CEP112: variants seen among roughly 807,000 people sequenced by gnomAD.
The protein encoded by CEP112 is centrosomal protein 112, also known as centrosomal protein of 112 kDa.
In CEP112, 127 loss-of-function variants were observed where a neutral mutation model predicts 153.0. The ratio of observed to expected loss-of-function variants is 0.83; its 90% CI spans 0.72 to 0.96. The LOEUF is 0.96. Among genes scored for constraint, CEP112 ranks in the 40% least tolerant of loss-of-function variants. The pLI is 0.00. For synonymous variants in CEP112, 358 were observed against 374.4 expected (o/e 0.96, Z 0.51); for missense variants, 1,089 against 1,101.2 (o/e 0.99, Z 0.16).
chr17:65,677,885 C>T (rs1034189613), intron 24 of CEP112, among the ~76,000 whole-genome samples: 3 of 152,126 alleles, frequency 2.0e-5, no homozygotes, highest in Non-Finnish European at 4.4e-5. Flanking sequence ...TGCACTCCAG[C>T]CTGGGAGACA....
chr17:65,682,062 C>CA (rs1174276311), intron 24 of CEP112, among the ~76,000 whole-genome samples: 1 of 151,832 alleles, frequency 6.6e-6, no homozygotes, highest in Non-Finnish European at 1.5e-5. Flanking sequence ...GGTGTGATCT[C>CA]AGCTCACTGC....
intron 16 of CEP112, among the ~76,000 whole-genome samples, chr17:66,008,519 C>T (rs1334226030): frequency 6.6e-6 from 1 of 151,942 alleles, no homozygotes; most frequent in Non-Finnish European, 1.5e-5. Context: ...ACACCTGGAT[C>T]ATATTTTTTT....
chr17:65,974,953 TA>T lies in CEP112; in HGVS notation c.1737-13356del, dbSNP rs34325518. Among the ~76,000 whole-genome samples the T allele has an allele frequency of 9.7e-3, 1,430 of 147,246 alleles. 17 individuals carry two copies. Among genetic ancestry groups the T allele is most frequent in the African/African-American group, 0.032 (1,278 of 40,460 alleles). ...GGAATCATATTAATGTTTTATTTAC[TA>T]AAAAAAAAAAAATGAAATAAGGACA... is the stretch of plus-strand genomic sequence containing the variant. On this transcript the variant is annotated intron_variant, in intron 17 of 26. Coordinates refer to ENST00000535342, the MANE Select transcript of CEP112 (RefSeq NM_001199165.4).
In CEP112 at chr17:66,134,395, T is replaced by C. The variant is rs2070344181; in HGVS notation, c.471-1632A>G. ...ATTTTTCAATCAACTACAGTATGAC[T>C]TGCATTCATCCCAAAAGTCCTATAA... On this transcript the variant is annotated intron_variant, in intron 4 of 26. Coordinates refer to ENST00000535342, the MANE Select transcript of CEP112 (RefSeq NM_001199165.4). 2.0e-5 allele frequency among the ~76,000 whole-genome samples: 3 copies of C among 152,192 alleles called. No individual in the cohort carries two copies. In the South Asian group the frequency reaches 6.2e-4, roughly 31 times the overall value.
intron 3 of CEP112, among the ~76,000 whole-genome samples, chr17:66,175,885 A>G (rs895082345): frequency 3.3e-5 from 5 of 152,218 alleles, no homozygotes; most frequent in African/African-American, 4.8e-5. Flanking sequence ...ACACGTTTCT[A>G]AAGAAAACTC....
At chr17:65,846,841 C>G (rs942833408) in intron 21 of CEP112, among the ~76,000 whole-genome samples, 1 of 152,134 alleles carries the variant, frequency 6.6e-6, no homozygotes, top group African/African-American at 2.4e-5. Flanking sequence ...CTTTTATTCA[C>G]TCACTTAATA....
chr17:65,884,867 G>A (rs887241241), intron 20 of CEP112, among the ~76,000 whole-genome samples: 2 of 151,778 alleles, frequency 1.3e-5, no homozygotes, highest in African/African-American at 4.8e-5. Flanking sequence ...ACAGGCATGT[G>A]CCACCACCCT....
At chr17:65,967,681 G>A (rs941224180) in intron 17 of CEP112, among the ~76,000 whole-genome samples, 2 of 152,134 alleles carry the variant, frequency 1.3e-5, no homozygotes, top group Non-Finnish European at 2.9e-5. Context: ...TCAAATTTAT[G>A]TGTAAGATAG....
intron 4 of CEP112, among the ~76,000 whole-genome samples, chr17:66,156,572 TAAC>T (rs1278716535): frequency 6.6e-6 from 1 of 152,030 alleles, no homozygotes; most frequent in African/African-American, 2.4e-5. Flanking sequence ...AGGTGGGTAA[TAAC>T]AAACTCCTCT....
rs75933367 is a variant in CEP112, at chr17:65,772,744, G to C, written c.2395-22020C>G. On this transcript the variant is annotated intron_variant, in intron 21 of 26. Transcript: ENST00000535342. ...AGAAGTAAAAGATTTAATGCAGTTG[G>C]GGAGGGAAGAGACAGATGAGTGAAT... Among the ~76,000 whole-genome samples the C allele has an allele frequency of 1.8e-3, 275 of 152,186 alleles. 2 individuals are homozygous for C. The highest frequency in any genetic ancestry group is 6.5e-3 in the African/African-American group (270 of 41,500).
intron 25 of CEP112, among the ~76,000 whole-genome samples, chr17:65,638,726 C>T (rs2044919562): frequency 6.6e-6 from 1 of 152,148 alleles, no homozygotes; most frequent in Non-Finnish European, 1.5e-5. Flanking sequence ...ACTAAATTTG[C>T]TCACTGTATG....
intron 8 of CEP112, among the ~76,000 whole-genome samples, chr17:66,092,675 T>G (rs910589611): frequency 6.6e-6 from 1 of 152,184 alleles, no homozygotes; most frequent in Non-Finnish European, 1.5e-5. Flanking sequence ...GCATTCACCA[T>G]GATCAAGTGG....
intron 20 of CEP112, among the ~76,000 whole-genome samples, chr17:65,880,022 T>C (rs2059004064): frequency 6.6e-6 from 1 of 152,152 alleles, no homozygotes; most frequent in Admixed American, 6.5e-5. Flanking sequence ...GTCACATCAA[T>C]AATGAAACTT....
At chr17:65,896,321 C>T (rs2059657585) in intron 20 of CEP112, among the ~76,000 whole-genome samples, 1 of 151,756 alleles carries the variant, frequency 6.6e-6, no homozygotes, top group Non-Finnish European at 1.5e-5. Context: ...ATGATGAGGG[C>T]AAAGTTAAAT....
intron 17 of CEP112, among the ~76,000 whole-genome samples, chr17:65,982,778 T>C (rs945574213): frequency 1.3e-5 from 2 of 152,196 alleles, no homozygotes; most frequent in African/African-American, 4.8e-5. Flanking sequence ...ATAGCAGCAC[T>C]ATTCACAATA....
Position 65,815,123 on chromosome 17 carries a change from C to CCCTATGTTTCTTCCAAGGGTTTTATA in CEP112, c.2394+36655_2394+36680dup, listed in dbSNP as rs375207025. Reference sequence around the variant, plus strand: ...TGTCTAAATCAACATCACTAAGGTGCCCTATGTTTCTTCCAAGGGTTTTAT... The same window carrying CCCTATGTTTCTTCCAAGGGTTTTATA: ...TGTCTAAATCAACATCACTAAGGTGCCCTATGTTTCTTCCAAGGGTTTTATACCTATGTTTCTTCCAAGGGTTTTAT... On this transcript the variant is annotated intron_variant, in intron 21 of 26. Coordinates refer to ENST00000535342, the MANE Select transcript of CEP112 (RefSeq NM_001199165.4). Among the ~76,000 whole-genome samples the CCCTATGTTTCTTCCAAGGGTTTTATA allele has an allele frequency of 1.5e-3, 235 of 152,094 alleles. 1 individual carries two copies. The highest frequency in any genetic ancestry group is 5.4e-3 in the African/African-American group (225 of 41,510).
At chr17:65,776,101 T>C (rs1277445657) in intron 21 of CEP112, among the ~76,000 whole-genome samples, 2 of 152,178 alleles carry the variant, frequency 1.3e-5, no homozygotes, top group Admixed American at 1.3e-4. Flanking sequence ...GTCGCTGGAC[T>C]TCTACTTCAC....
Position 65,697,066 on chromosome 17 carries a change from G to T in CEP112, c.2608-7848C>A, listed in dbSNP as rs557209725. On this transcript the variant is annotated intron_variant, in intron 23 of 26. Transcript: ENST00000535342. ...AAGGCCTATTTTTATTTTTATTGAGGTATAATTTACATACAATCCAATTCA... is the reference window on the plus strand; with the variant it reads ...AAGGCCTATTTTTATTTTTATTGAGTTATAATTTACATACAATCCAATTCA... Among the ~76,000 whole-genome samples, 4 of 152,140 alleles carry T rather than the reference G, an allele frequency of 2.6e-5. No homozygotes were observed. The East Asian group carries it at 7.7e-4, about 29-fold the overall frequency.
At chr17:65,965,684 G>T (rs1296379111) in intron 17 of CEP112, among the ~76,000 whole-genome samples, 1 of 151,792 alleles carries the variant, frequency 6.6e-6, no homozygotes, top group East Asian at 1.9e-4. Context: ...ACCACCCCTG[G>T]CTAATTTTTT....
Sources: gnomAD v4.1 joint callset for allele counts (sites outside exome capture counted in the v4.1 genomes callset) on GRCh38, gnomAD v4.1.1 for gene constraint, MANE v1.5 for transcripts, NCBI Gene and HGNC (gene_info 2026-07-23, HGNC 2026-07-21) for gene names.